UNC13C: variants seen among roughly 807,000 people sequenced by gnomAD.
UNC13C encodes unc-13 homolog C.
Under a neutral mutation model 245.4 loss-of-function variants are expected in UNC13C, and 174 were observed. That is an observed-to-expected ratio of 0.71 (90% CI 0.63 to 0.80). The LOEUF (loss-of-function observed/expected upper bound fraction) is 0.80. UNC13C is among the 30% of genes least tolerant of loss of function. The pLI is 0.00. For synonymous variants in UNC13C, 992 were observed against 895.1 expected (o/e 1.11, Z -1.93); for missense variants, 2,829 against 2,602.9 (o/e 1.09, Z -1.89).
intron 2 of UNC13C, among the ~76,000 whole-genome samples, chr15:54,138,623 A>T (rs1250213428): frequency 6.6e-6 from 1 of 152,172 alleles, no homozygotes; most frequent in Non-Finnish European, 1.5e-5. Flanking sequence ...TCTATATTTA[A>T]TCATGTATGC....
Position 54,014,360 on chromosome 15 carries a change from C to T in UNC13C, c.1457C>T (p.Ser486Leu), listed in dbSNP as rs866841718. The T allele has an allele frequency of 6.2e-7, 1 of 1,613,854 alleles. No homozygotes were observed. Among genetic ancestry groups the T allele is most frequent in the Non-Finnish European group, 8.5e-7 (1 of 1,179,840 alleles). Residue 486 changes from serine to leucine, a missense_variant, in exon 2 of 33, where the codon TCA (serine) becomes TTA (leucine). Physicochemically the swap from Ser to Leu is moderately radical, Grantham distance 145. Coordinates refer to ENST00000260323, the MANE Select transcript of UNC13C (RefSeq NM_001080534.3). The part of the protein sequence containing the change: ...KGSTSKPSSK[S>L]HSARSKNKTA... ...AGTACTTCCAAGCCAAGCTCAAAAT[C>T]ACACAGTGCTAGATCCAAGAATAAA...
chr15:54,086,737 C>CTTTTTTTTTTT (rs57209912), intron 2 of UNC13C, among the ~76,000 whole-genome samples: 21,766 of 90,206 alleles, frequency 0.24, 5,132 homozygotes, highest in Non-Finnish European at 0.33. Context: ...TATTTTCTTT[C>CTTTTTTTTTTT]TTTTTTTTTT....
chr15:54,403,392 C>G (rs1316959650), intron 18 of UNC13C, among the ~76,000 whole-genome samples: 3 of 151,834 alleles, frequency 2.0e-5, no homozygotes, highest in South Asian at 4.2e-4. Flanking sequence ...GGTGACAGAG[C>G]AAGATCCTGT....
In UNC13C at chr15:54,065,244, C is replaced by T. The variant is rs150997552; in HGVS notation, c.2983+49358C>T. On this transcript the variant is annotated intron_variant, in intron 2 of 32. Coordinates refer to ENST00000260323, the MANE Select transcript of UNC13C (RefSeq NM_001080534.3). ...TGGTGGCCTGCCTTTTGAGCCCTAACAAGGGAGCCAGCTACAGGACTTCTG... is the reference window on the plus strand; with the variant it reads ...TGGTGGCCTGCCTTTTGAGCCCTAATAAGGGAGCCAGCTACAGGACTTCTG... 7.2e-4 allele frequency among the ~76,000 whole-genome samples: 110 copies of T among 152,294 alleles called. 2 individuals are homozygous for T. The East Asian group carries it at 0.017, about 24-fold the overall frequency.
chr15:54,484,510 C>T (rs1270953277), intron 19 of UNC13C, among the ~76,000 whole-genome samples: 1 of 151,844 alleles, frequency 6.6e-6, no homozygotes, highest in African/African-American at 2.4e-5. Context: ...TAAACAAATA[C>T]ATTATCAGTA....
intron 23 of UNC13C, among the ~76,000 whole-genome samples, chr15:54,507,733 G>T (rs933443581): frequency 2.6e-5 from 4 of 151,770 alleles, no homozygotes; most frequent in Admixed American, 6.6e-5. Context: ...CTAGATAAAG[G>T]TATTTGAAAT....
intron 19 of UNC13C, among the ~76,000 whole-genome samples, chr15:54,425,348 C>T (rs940126447): frequency 6.6e-6 from 1 of 151,710 alleles, no homozygotes; most frequent in African/African-American, 2.4e-5. Flanking sequence ...AAGATTTCTA[C>T]AATGAAGGGA....
the UNC13C span, among the ~76,000 whole-genome samples, chr15:53,893,141 G>A: frequency 0.023 from 3,491 of 152,254 alleles, 148 homozygotes; most frequent in African/African-American, 0.079. Context: ...AGTTTTCTGA[G>A]GTCCACTCCA....
intron 17 of UNC13C, among the ~76,000 whole-genome samples, chr15:54,361,095 TTGGTGAAA>T (rs2039219781): frequency 6.6e-6 from 1 of 152,130 alleles, no homozygotes; most frequent in African/African-American, 2.4e-5. Flanking sequence ...TTATTAATAT[TTGGTGAAA>T]CTTAATTCAC....
intron 2 of UNC13C, among the ~76,000 whole-genome samples, chr15:54,047,289 G>T (rs578252937): frequency 6.6e-6 from 1 of 151,816 alleles, no homozygotes; most frequent in Non-Finnish European, 1.5e-5. Flanking sequence ...TTTTAACCAC[G>T]TTTATGGGTA....
At chr15:54,221,018 A>G (rs766834072) in intron 4 of UNC13C, among the ~76,000 whole-genome samples, 25 of 152,092 alleles carry the variant, frequency 1.6e-4, no homozygotes, top group Non-Finnish European at 3.1e-4. Flanking sequence ...CACGTTGACA[A>G]TTCTGATGAA....
At chr15:54,352,798 T>C (rs1055479119) in intron 17 of UNC13C, among the ~76,000 whole-genome samples, 1 of 152,134 alleles carries the variant, frequency 6.6e-6, no homozygotes, top group African/African-American at 2.4e-5. Flanking sequence ...CTTTCTTTAT[T>C]TCCATGATGC....
intron 19 of UNC13C, among the ~76,000 whole-genome samples, chr15:54,434,690 TA>T (rs1488700652): frequency 6.6e-6 from 1 of 152,070 alleles, no homozygotes; most frequent in Non-Finnish European, 1.5e-5. Context: ...ACTTCATGAC[TA>T]AAACACTGAA....
chr15:54,125,649 T>C (rs186315644), intron 2 of UNC13C, among the ~76,000 whole-genome samples: 1 of 152,290 alleles, frequency 6.6e-6, no homozygotes, highest in Admixed American at 6.5e-5. Context: ...ATAGGGAAAT[T>C]TAAGTCTCAA....
downstream of UNC13C, chr15:54,632,760 A>G (rs1021779544): frequency 6.6e-6 from 1 of 152,190 alleles, no homozygotes; most frequent in African/African-American, 2.4e-5. Flanking sequence ...CCAATGTGAC[A>G]CTGTAGCAAT....
chr15:53,926,930 A>C, the UNC13C span, among the ~76,000 whole-genome samples: 3 of 152,136 alleles, frequency 2.0e-5, no homozygotes, highest in Non-Finnish European at 4.4e-5. Flanking sequence ...ACAGGTAAGC[A>C]GGTGCTGGAT....
At position 54,627,138 on chromosome 15, in the gene UNC13C, T is replaced by TAAC. The variant is rs1901226901; in HGVS notation, c.*26_*28dup. 2 of 1,582,864 alleles carry TAAC rather than the reference T, an allele frequency of 1.3e-6. No individual in the cohort carries two copies. The highest frequency in any genetic ancestry group is 2.2e-5 in the East Asian group (1 of 44,540). On this transcript the variant is annotated 3_prime_UTR_variant, in exon 33 of 33. Transcript: ENST00000260323. ...AAACAAACACTGCAAGCTAAATACA[T>TAAC]AACTATAATTGTTTGACTACTGCAT... is the stretch of plus-strand genomic sequence containing the variant.
chr15:54,046,513 T>A (rs1250473952), intron 2 of UNC13C, among the ~76,000 whole-genome samples: 1 of 152,160 alleles, frequency 6.6e-6, no homozygotes, highest in Non-Finnish European at 1.5e-5. Context: ...TTTAAAGATT[T>A]TATATTTGTC....
At chr15:54,343,413 G>A (rs145646311) in intron 17 of UNC13C, among the ~76,000 whole-genome samples, 205 of 152,012 alleles carry the variant, frequency 1.3e-3, no homozygotes, top group African/African-American at 4.4e-3. Context: ...GATTACAGGC[G>A]TGAGCCACCG....
Sources: gnomAD v4.1 joint callset for allele counts (sites outside exome capture counted in the v4.1 genomes callset) on GRCh38, gnomAD v4.1.1 for gene constraint, MANE v1.5 for transcripts, NCBI Gene and HGNC (gene_info 2026-07-23, HGNC 2026-07-21) for gene names.